GPHN: variants seen among roughly 807,000 people sequenced by gnomAD.
GPHN encodes the protein gephyrin.
GPHN carries 17 observed loss-of-function variants against 95.5 expected under a neutral mutation model. The ratio of observed to expected loss-of-function variants is 0.18; its 90% CI spans 0.12 to 0.27. The LOEUF (loss-of-function observed/expected upper bound fraction) is 0.27, where lower values mean the gene tolerates loss of function less well. GPHN is among the 10% of genes least tolerant of loss of function. The pLI is 1.00. For synonymous variants in GPHN, 320 were observed against 322.5 expected (o/e 0.99, Z 0.08); for missense variants, 660 against 978.1 (o/e 0.67, Z 4.34).
At chr14:67,556,006 C>A in the GPHN span, 2 of 1,312,334 alleles carry the variant, frequency 1.5e-6, no homozygotes, top group Non-Finnish European at 2.1e-6. Flanking sequence ...TATACCTGAA[C>A]AAATGAGTGT....
intron 22 of GPHN, among the ~76,000 whole-genome samples, chr14:67,180,093 A>G (rs2083246170): frequency 1.3e-5 from 2 of 152,246 alleles, no homozygotes; most frequent in Non-Finnish European, 2.9e-5. Flanking sequence ...TACGCTAGTT[A>G]TTGGTAAATT....
chr14:67,368,640 A>C, the GPHN span, among the ~76,000 whole-genome samples: 1 of 151,698 alleles, frequency 6.6e-6, no homozygotes, highest in Non-Finnish European at 1.5e-5. Context: ...TGTGGGGTAA[A>C]TAGATCTATA....
At chr14:66,508,925 C>T (rs561312045) in intron 1 of GPHN, 1 of 380,870 alleles carries the variant, frequency 2.6e-6, no homozygotes, top group South Asian at 2.3e-5. Flanking sequence ...GGGATCCCGG[C>T]TCCGCAGTCT....
the GPHN span, among the ~76,000 whole-genome samples, chr14:67,194,533 T>A: frequency 6.6e-6 from 1 of 151,750 alleles, no homozygotes; most frequent in Non-Finnish European, 1.5e-5. Context: ...CAAGACAGAG[T>A]TTTGCTCTGT....
chr14:67,258,496 C>G, the GPHN span, among the ~76,000 whole-genome samples: 2 of 152,194 alleles, frequency 1.3e-5, no homozygotes, highest in African/African-American at 2.4e-5. Context: ...TCACAGCTTA[C>G]TGCAGCCTTG....
intron 1 of GPHN, among the ~76,000 whole-genome samples, chr14:66,584,448 G>A (rs953066822): frequency 6.6e-6 from 1 of 152,090 alleles, no homozygotes; most frequent in Non-Finnish European, 1.5e-5. Flanking sequence ...GTGAGAGAGG[G>A]CATCCCTGTC....
chr14:67,245,234 G>C, the GPHN span, among the ~76,000 whole-genome samples: 1 of 152,214 alleles, frequency 6.6e-6, no homozygotes, highest in South Asian at 2.1e-4. Flanking sequence ...TTGTCAGGCT[G>C]GGTTTGAAGT....
At chr14:66,646,952 A>C (rs1003607107) in intron 1 of GPHN, among the ~76,000 whole-genome samples, 11 of 152,160 alleles carry the variant, frequency 7.2e-5, no homozygotes, top group African/African-American at 2.6e-4. Flanking sequence ...GCTGGAGTGC[A>C]ATGGCTCTAT....
At chr14:67,666,709 G>C in the GPHN span, among the ~76,000 whole-genome samples, 1 of 152,164 alleles carries the variant, frequency 6.6e-6, no homozygotes, top group Admixed American at 6.5e-5. Context: ...CTTTACCACT[G>C]AGGACACTAG....
At chr14:67,117,649 C>A (rs1249053048) in intron 16 of GPHN, among the ~76,000 whole-genome samples, 1 of 152,148 alleles carries the variant, frequency 6.6e-6, no homozygotes, top group Non-Finnish European at 1.5e-5. Context: ...TTCTTATAGG[C>A]ACACAACAAT....
intron 11 of GPHN, among the ~76,000 whole-genome samples, chr14:67,068,662 T>A (rs1170897809): frequency 6.6e-6 from 1 of 152,204 alleles, no homozygotes; most frequent in East Asian, 1.9e-4. Context: ...GTAAGCTTTT[T>A]TATTTAAGAT....
chr14:67,381,760 TTC>T, the GPHN span: 2 of 1,176,184 alleles, frequency 1.7e-6, no homozygotes, highest in Middle Eastern at 2.0e-4. Flanking sequence ...TGATCTTTGT[TTC>T]TTTTTTTTTT....
At chr14:67,433,557 A>G in the GPHN span, among the ~76,000 whole-genome samples, 2,172 of 152,266 alleles carry the variant, frequency 0.014, 60 homozygotes, top group African/African-American at 0.05. Flanking sequence ...AATGAGACGC[A>G]TCCTATAATT....
the GPHN span, chr14:67,645,657 C>T: frequency 6.2e-7 from 1 of 1,613,194 alleles, no homozygotes; most frequent in Non-Finnish European, 8.5e-7. Flanking sequence ...GCAATCGGTA[C>T]CATTAGTGGC....
the GPHN span, among the ~76,000 whole-genome samples, chr14:67,477,596 C>G: frequency 1.3e-5 from 2 of 152,154 alleles, no homozygotes; most frequent in East Asian, 1.9e-4. Context: ...ACAGCTCCCC[C>G]TAATGTCCCA....
At chr14:67,645,717 C>G in the GPHN span, 4 of 1,613,990 alleles carry the variant, frequency 2.5e-6, no homozygotes, top group Non-Finnish European at 2.5e-6. Flanking sequence ...GATGCCCATG[C>G]TGACATCAAC....
the GPHN span, among the ~76,000 whole-genome samples, chr14:67,399,238 G>A: frequency 1.3e-5 from 2 of 152,020 alleles, no homozygotes; most frequent in East Asian, 3.9e-4. Flanking sequence ...TAGTTTAGGT[G>A]GCTGTCAGGT....
intron 4 of GPHN, among the ~76,000 whole-genome samples, chr14:66,852,381 G>A (rs995960182): frequency 6.7e-6 from 1 of 148,420 alleles, no homozygotes; most frequent in African/African-American, 2.4e-5. Context: ...GGAAAAAAAT[G>A]TGTGTGTGTG....
chr14:67,341,738 A>T, the GPHN span, among the ~76,000 whole-genome samples: 3 of 152,388 alleles, frequency 2.0e-5, no homozygotes, highest in Non-Finnish European at 4.4e-5. Flanking sequence ...TTTGTGGAAT[A>T]GAAAAGGGGG....
Sources: gnomAD v4.1 joint callset for allele counts (sites outside exome capture counted in the v4.1 genomes callset) on GRCh38, gnomAD v4.1.1 for gene constraint, MANE v1.5 for transcripts, NCBI Gene and HGNC (gene_info 2026-07-23, HGNC 2026-07-21) for gene names.